Variants in RBFOX2 observed in about 807,000 individuals in gnomAD.
The protein encoded by RBFOX2 is RNA binding protein fox-1 homolog 2.
A neutral mutation model predicts 49.1 loss-of-function variants in RBFOX2; 10 were observed. That is an observed-to-expected ratio of 0.20 (90% CI 0.13 to 0.35). RBFOX2 has a LOEUF of 0.35. RBFOX2 is among the 10% of genes least tolerant of loss of function. The probability of loss-of-function intolerance (pLI) is 1.00; values close to 1 mark genes in which losing one functional copy is unlikely to be tolerated. For synonymous variants in RBFOX2, 183 were observed against 187.4 expected (o/e 0.98, Z 0.19); for missense variants, 323 against 486.9 (o/e 0.66, Z 3.17).
intron 2 of RBFOX2, among the ~76,000 whole-genome samples, chr22:35,808,813 A>G (rs1951252788): frequency 6.6e-6 from 1 of 152,116 alleles, no homozygotes; most frequent in Non-Finnish European, 1.5e-5. Flanking sequence ...TGTTCATGCC[A>G]CTGCACTCCA....
chr22:36,018,052 CAATT>C (rs1391110812), intron 1 of RBFOX2, among the ~76,000 whole-genome samples: 2 of 152,156 alleles, frequency 1.3e-5, no homozygotes, highest in Non-Finnish European at 2.9e-5. Flanking sequence ...TCTGGATAAA[CAATT>C]AAAGCCATCT....
chr22:35,908,895 T>C (rs1296786771), intron 1 of RBFOX2, among the ~76,000 whole-genome samples: 3 of 150,676 alleles, frequency 2.0e-5, no homozygotes, highest in African/African-American at 7.3e-5. Flanking sequence ...CAGGCTGGAG[T>C]GCAGTGGCAT....
At chr22:35,820,159 G>GCT (rs1954139097) in intron 1 of RBFOX2, among the ~76,000 whole-genome samples, 2 of 152,146 alleles carry the variant, frequency 1.3e-5, no homozygotes, top group Non-Finnish European at 2.9e-5. Flanking sequence ...GCCACTGCAG[G>GCT]GAGGTTAGCT....
intron 1 of RBFOX2, among the ~76,000 whole-genome samples, chr22:35,814,469 G>A (rs949640061): frequency 1.3e-5 from 2 of 151,978 alleles, no homozygotes; most frequent in Non-Finnish European, 2.9e-5. Flanking sequence ...AGATCTTTGG[G>A]AGGCTGAGGA....
intron 1 of RBFOX2, among the ~76,000 whole-genome samples, chr22:35,898,559 G>A (rs1445619700): frequency 6.6e-6 from 1 of 151,444 alleles, no homozygotes; most frequent in Non-Finnish European, 1.5e-5. Flanking sequence ...CAGAGTAGCT[G>A]GGACCACAGG....
chr22:35,917,966 A>G (rs966347869), intron 1 of RBFOX2, among the ~76,000 whole-genome samples: 5 of 152,236 alleles, frequency 3.3e-5, no homozygotes, highest in South Asian at 2.1e-4. Context: ...AGCAAGAGCT[A>G]TAAGAAAATA....
At chr22:35,985,621 C>A (rs1224642481) in intron 1 of RBFOX2, among the ~76,000 whole-genome samples, 1 of 152,146 alleles carries the variant, frequency 6.6e-6, no homozygotes, top group African/African-American at 2.4e-5. Context: ...TGTGTGGGAG[C>A]CACACCAAAG....
chr22:35,826,462 A>G (rs1955758246), intron 1 of RBFOX2, among the ~76,000 whole-genome samples: 1 of 152,146 alleles, frequency 6.6e-6, no homozygotes, highest in African/African-American at 2.4e-5. Context: ...TTATAATCTT[A>G]AAGTTCTCCA....
At chr22:35,794,519 G>C (rs981574135) in intron 2 of RBFOX2, among the ~76,000 whole-genome samples, 1 of 152,042 alleles carries the variant, frequency 6.6e-6, no homozygotes, top group Non-Finnish European at 1.5e-5. Flanking sequence ...TTAGCCAGGC[G>C]TGGTGGTGGG....
intron 2 of RBFOX2, among the ~76,000 whole-genome samples, chr22:35,807,665 T>C (rs969552916): frequency 6.6e-6 from 1 of 151,728 alleles, no homozygotes; most frequent in African/African-American, 2.4e-5. Context: ...TCACCTAAGC[T>C]TGCAACTCAA....
chr22:35,947,464 T>C (rs1019158389), intron 1 of RBFOX2, among the ~76,000 whole-genome samples: 6 of 151,534 alleles, frequency 4.0e-5, no homozygotes, highest in African/African-American at 1.5e-4. Context: ...AAAAAAAAAG[T>C]TACCTCAGGG....
At chr22:35,743,918 T>C (rs1931151246) in exon 12 of RBFOX2, 3 of 353,240 alleles carry the variant, frequency 8.5e-6, no homozygotes, top group East Asian at 8.8e-5. Flanking sequence ...CATACAGACA[T>C]GGAAATGCAT....
chr22:35,770,916 T>C (rs1942484566), intron 4 of RBFOX2, among the ~76,000 whole-genome samples: 1 of 152,186 alleles, frequency 6.6e-6, no homozygotes, highest in Non-Finnish European at 1.5e-5. Context: ...GAAATGCGAA[T>C]CAAGATACCA....
intron 1 of RBFOX2, chr22:35,897,199 C>T: frequency 1.2e-6 from 1 of 804,944 alleles, no homozygotes. Flanking sequence ...GACCACCTGG[C>T]TGGGTGCTCA....
intron 1 of RBFOX2, among the ~76,000 whole-genome samples, chr22:35,820,335 G>A (rs567799227): frequency 2.0e-5 from 3 of 152,266 alleles, no homozygotes; most frequent in Non-Finnish European, 4.4e-5. Context: ...AATGTGTGTC[G>A]AATGCTGAAA....
intron 1 of RBFOX2, among the ~76,000 whole-genome samples, chr22:36,017,015 A>ATT (rs1381130917): frequency 1.3e-5 from 2 of 152,202 alleles, no homozygotes; most frequent in African/African-American, 4.8e-5. Flanking sequence ...ACAGGCAAGG[A>ATT]TTATACAGGA....
At chr22:35,890,296 T>C (rs2047090167) in intron 1 of RBFOX2, among the ~76,000 whole-genome samples, 1 of 152,138 alleles carries the variant, frequency 6.6e-6, no homozygotes, top group Non-Finnish European at 1.5e-5. Flanking sequence ...GTGTCCCTCA[T>C]CTGTGGGAAA....
intron 1 of RBFOX2, among the ~76,000 whole-genome samples, chr22:35,855,781 C>T (rs2042442427): frequency 2.0e-5 from 3 of 151,368 alleles, no homozygotes; most frequent in East Asian, 2.0e-4. Flanking sequence ...TCCCAGCCCA[C>T]TGGGAGGCTC....
intron 1 of RBFOX2, chr22:35,822,745 C>T: frequency 2.5e-6 from 1 of 405,002 alleles, no homozygotes; most frequent in Non-Finnish European, 4.8e-6. Context: ...AACACACACA[C>T]AAAATTAAAT....
Sources: gnomAD v4.1 joint callset for allele counts (sites outside exome capture counted in the v4.1 genomes callset) on GRCh38, gnomAD v4.1.1 for gene constraint, MANE v1.5 for transcripts, NCBI Gene and HGNC (gene_info 2026-07-23, HGNC 2026-07-21) for gene names.